The following SEZ6L variants were observed in gnomAD, a reference collection of about 807,000 sequenced individuals.
SEZ6L encodes seizure related 6 homolog like.
Under a neutral mutation model 106.2 loss-of-function variants are expected in SEZ6L, and 37 were observed. The observed-to-expected ratio is 0.35, with a 90% CI of 0.27 to 0.46. The LOEUF (loss-of-function observed/expected upper bound fraction) is 0.46, where lower values mean the gene tolerates loss of function less well. SEZ6L is among the 20% of genes least tolerant of loss of function. The pLI is 1.00. For missense variants in SEZ6L, 1,172 were observed against 1,332.8 expected, an observed-to-expected ratio of 0.88 and a Z score of 1.88; for synonymous variants, 541 against 570.4, an observed-to-expected ratio of 0.95 and a Z score of 0.73.
chr22:26,298,594 C>T (rs537231785), intron 4 of SEZ6L, among the ~76,000 whole-genome samples: 25 of 152,330 alleles, frequency 1.6e-4, no homozygotes, highest in Non-Finnish European at 2.9e-4. Flanking sequence ...GTTCAAGCAT[C>T]TGCATTTTTA....
At chr22:26,265,957 GTTCCTGAAAACAAGTCAT>G (rs1349644435) in intron 1 of SEZ6L, among the ~76,000 whole-genome samples, 8 of 152,216 alleles carry the variant, frequency 5.3e-5, no homozygotes, top group Non-Finnish European at 8.8e-5. Flanking sequence ...ATGGGGGGAT[GTTCCTGAAAACAAGTCAT>G]TATAATGCAA....
intron 1 of SEZ6L, among the ~76,000 whole-genome samples, chr22:26,222,729 A>G (rs1026328418): frequency 1.3e-5 from 2 of 152,170 alleles, no homozygotes; most frequent in Non-Finnish European, 2.9e-5. Context: ...TACATAAAAA[A>G]ATTTTTTTCA....
chr22:26,348,051 C>T (rs1459998030), intron 11 of SEZ6L, 138 bp downstream of exon 11: 2 of 655,392 alleles, frequency 3.1e-6, no homozygotes, highest in Non-Finnish European at 4.9e-6. Flanking sequence ...GAGCATTGCT[C>T]ACAAATGTCA....
intron 10 of SEZ6L, among the ~76,000 whole-genome samples, chr22:26,347,113 T>C (rs1010301948): frequency 2.6e-5 from 4 of 151,792 alleles, no homozygotes; most frequent in Admixed American, 2.6e-4. Flanking sequence ...GGAGGATCAC[T>C]TGAGCCCAGG....
chr22:26,325,804 T>G, intron 9 of SEZ6L, among the ~76,000 whole-genome samples: 1 of 152,144 alleles, frequency 6.6e-6, no homozygotes, highest in East Asian at 1.9e-4. Flanking sequence ...GCAGAAGCAC[T>G]TGGCAAGGGC....
intron 1 of SEZ6L, among the ~76,000 whole-genome samples, chr22:26,281,554 T>A (rs1053039970): frequency 2.0e-5 from 3 of 151,924 alleles, no homozygotes; most frequent in African/African-American, 4.8e-5. Flanking sequence ...TTTTTAAATT[T>A]TTTTTAGTAG....
At chr22:26,208,801 A>C (rs1941427705) in intron 1 of SEZ6L, among the ~76,000 whole-genome samples, 1 of 142,492 alleles carries the variant, frequency 7.0e-6, no homozygotes, top group Admixed American at 7.0e-5. Flanking sequence ...TATATATTTA[A>C]ACATGTTTAC....
chr22:26,348,803 GGGAA>G (rs1217365578), intron 11 of SEZ6L, among the ~76,000 whole-genome samples: 7 of 24,746 alleles, frequency 2.8e-4, no homozygotes, highest in Non-Finnish European at 4.3e-4. Flanking sequence ...GGGAAGGGGA[GGGAA>G]GGGGAGAGAA....
intron 5 of SEZ6L, among the ~76,000 whole-genome samples, chr22:26,301,794 A>G (rs1343472217): frequency 6.6e-6 from 1 of 152,254 alleles, no homozygotes; most frequent in Non-Finnish European, 1.5e-5. Flanking sequence ...TTCAGAGGTC[A>G]GAAGGAACTC....
intron 1 of SEZ6L, among the ~76,000 whole-genome samples, chr22:26,223,434 A>G (rs917964893): frequency 6.6e-6 from 1 of 152,182 alleles, no homozygotes; most frequent in African/African-American, 2.4e-5. Flanking sequence ...TCTATTTTTA[A>G]TTATATTGTA....
intron 11 of SEZ6L, among the ~76,000 whole-genome samples, chr22:26,350,211 CAT>C (rs34286571): frequency 0.12 from 17,282 of 145,574 alleles, 2,785 homozygotes; most frequent in African/African-American, 0.38. Context: ...TATATATACA[CAT>C]ATATATATAT....
intron 1 of SEZ6L, among the ~76,000 whole-genome samples, chr22:26,290,323 A>C (rs2081069065): frequency 6.6e-6 from 1 of 152,150 alleles, no homozygotes; most frequent in Non-Finnish European, 1.5e-5. Flanking sequence ...CGAGGTCAGG[A>C]GATCGAGACC....
intron 13 of SEZ6L, among the ~76,000 whole-genome samples, chr22:26,366,715 CAAA>C (rs2083825535): frequency 6.6e-6 from 1 of 151,856 alleles, no homozygotes; most frequent in South Asian, 2.1e-4. Context: ...CTCAAACAAA[CAAA>C]CAAACAAACA....
At chr22:26,336,865 C>T (rs1326846936) in intron 9 of SEZ6L, among the ~76,000 whole-genome samples, 1 of 152,082 alleles carries the variant, frequency 6.6e-6, no homozygotes, top group African/African-American at 2.4e-5. Context: ...TAGTTGAAAA[C>T]CACTGACATA....
intron 1 of SEZ6L, among the ~76,000 whole-genome samples, chr22:26,187,784 G>A (rs574517495): frequency 1.3e-5 from 2 of 152,246 alleles, no homozygotes; most frequent in East Asian, 3.9e-4. Context: ...TTTAATGTAG[G>A]GCCAACATTG....
At chr22:26,282,040 G>T (rs1290439701) in intron 1 of SEZ6L, among the ~76,000 whole-genome samples, 1 of 152,214 alleles carries the variant, frequency 6.6e-6, no homozygotes, top group East Asian at 1.9e-4. Flanking sequence ...TGCTACAAAT[G>T]GGGCCGCATT....
intron 13 of SEZ6L, among the ~76,000 whole-genome samples, chr22:26,366,942 C>A (rs1053923081): frequency 1.3e-5 from 2 of 152,098 alleles, no homozygotes; most frequent in Non-Finnish European, 1.5e-5. Flanking sequence ...GCCACCACAC[C>A]CAGCTGTAGA....
chr22:26,277,404 G>A (rs185753715), intron 1 of SEZ6L, among the ~76,000 whole-genome samples: 5 of 152,258 alleles, frequency 3.3e-5, no homozygotes, highest in Admixed American at 2.6e-4. Flanking sequence ...TGTTGTTTAG[G>A]GTGGCAAAAA....
intron 12 of SEZ6L, among the ~76,000 whole-genome samples, chr22:26,361,104 C>A (rs2083607130): frequency 6.6e-6 from 1 of 152,070 alleles, no homozygotes; most frequent in Non-Finnish European, 1.5e-5. Context: ...TTAAAACTGA[C>A]ATGTGAAACC....
Sources: allele counts gnomAD v4.1 joint callset (sites outside exome capture counted in the v4.1 genomes callset), GRCh38; gene constraint gnomAD v4.1.1; transcripts MANE v1.5; gene names NCBI Gene and HGNC (gene_info 2026-07-23, HGNC 2026-07-21).